Variants in RGS20 observed in about 807,000 individuals in gnomAD.
The protein encoded by RGS20 is regulator of G protein signaling 20, also known as gz-selective GTPase-activating protein.
Under a neutral mutation model 33.6 loss-of-function variants are expected in RGS20, and 30 were observed. The ratio of observed to expected loss-of-function variants is 0.89; its 90% CI spans 0.67 to 1.21. The LOEUF (loss-of-function observed/expected upper bound fraction) is 1.21, where lower values mean the gene tolerates loss of function less well. Among genes scored for constraint, RGS20 ranks in the 50% most tolerant of loss-of-function variants. RGS20 has a pLI of 0.00. For missense variants in RGS20, 472 were observed against 502.4 expected (o/e 0.94, Z 0.58); for synonymous variants, 208 against 197.9 (o/e 1.05, Z -0.43).
intron 2 of RGS20, among the ~76,000 whole-genome samples, chr8:53,885,562 C>G (rs1812518394): frequency 6.6e-6 from 1 of 151,912 alleles, no homozygotes; most frequent in Non-Finnish European, 1.5e-5. Context: ...TGCAGTGACC[C>G]GAGATTGCGC....
In RGS20 at chr8:53,885,496, A is replaced by C. The variant is rs984178141; in HGVS notation, c.510+5894A>C. 1.1e-4 allele frequency among the ~76,000 whole-genome samples: 17 copies of C among 152,150 alleles called. No individual in the cohort carries two copies. The East Asian group carries it at 1.7e-3, about 16-fold the overall frequency. On this transcript the variant is annotated intron_variant, in intron 2 of 5. Coordinates refer to ENST00000297313, the MANE Select transcript of RGS20 (RefSeq NM_170587.4). ...GGGCGTATTAGCGGGCGTCTGTAGT[A>C]CCAGCTACTCGGGAGGCTGAAGCAG... is the stretch of plus-strand genomic sequence containing the variant.
chr8:53,934,370 G>A (rs1477187333), intron 2 of RGS20, among the ~76,000 whole-genome samples: 1 of 152,126 alleles, frequency 6.6e-6, no homozygotes, highest in Non-Finnish European at 1.5e-5. Context: ...CCCATCTCAC[G>A]TGCAGAGACA....
At chr8:53,921,806 G>A (rs1228473818) in intron 2 of RGS20, among the ~76,000 whole-genome samples, 1 of 151,984 alleles carries the variant, frequency 6.6e-6, no homozygotes, top group Non-Finnish European at 1.5e-5. Flanking sequence ...TTGGTTTCAT[G>A]AATTTTCTCT....
rs1161699935 is a variant in RGS20 at position 53,879,279 on chromosome 8, C to T, written c.187C>T (p.Pro63Ser). The stretch of plus-strand genomic sequence containing the variant: ...CCAGTCCTTCCCGCCTGCACAGCTC[C>T]CAGACTCGCCCGCCGCCCCGAAGCT... Residue 63 changes from proline to serine, a missense_variant, in exon 2 of 6, where the codon CCA (proline) becomes TCA (serine). Coordinates refer to ENST00000297313, the MANE Select transcript of RGS20 (RefSeq NM_170587.4). The T allele has an allele frequency of 6.2e-7, 1 of 1,613,896 alleles. No homozygotes were observed. Among genetic ancestry groups the T allele is most frequent in the African/African-American group, 1.3e-5 (1 of 75,052 alleles).
At chr8:53,872,288 A>G (rs1000590778) in intron 1 of RGS20, among the ~76,000 whole-genome samples, 1 of 152,062 alleles carries the variant, frequency 6.6e-6, no homozygotes, top group African/African-American at 2.4e-5. Flanking sequence ...TCACTCCAAT[A>G]CTCAGCAGCC....
chr8:53,954,384 C>T (rs1355296942), intron 5 of RGS20, 74 bp downstream of exon 4: 2 of 1,020,020 alleles, frequency 2.0e-6, no homozygotes, highest in East Asian at 5.0e-5. Flanking sequence ...TTGCCATAGG[C>T]CGGGCACAGT....
At chr8:53,931,516 T>C (rs1813958377) in intron 2 of RGS20, among the ~76,000 whole-genome samples, 2 of 151,976 alleles carry the variant, frequency 1.3e-5, no homozygotes, top group South Asian at 2.1e-4. Flanking sequence ...GATAATGCCA[T>C]TGCAGTCCAG....
At chr8:53,952,377 G>A (rs1265720140) in intron 4 of RGS20, among the ~76,000 whole-genome samples, 2 of 148,546 alleles carry the variant, frequency 1.3e-5, no homozygotes, top group South Asian at 2.2e-4. Flanking sequence ...TTAATGTTGG[G>A]TGGAAAAAGC....
At chr8:53,919,933 T>C (rs2129286047) in intron 2 of RGS20, among the ~76,000 whole-genome samples, 1 of 152,336 alleles carries the variant, frequency 6.6e-6, no homozygotes, top group East Asian at 1.9e-4. Flanking sequence ...TGGAGCACAG[T>C]GGTGTGATCT....
Position 53,874,815 on chromosome 8 carries a change from G to A in RGS20, c.166-4443G>A, listed in dbSNP as rs576745139. Among the ~76,000 whole-genome samples, 12 of 152,310 alleles carry A rather than the reference G, an allele frequency of 7.9e-5. No individual in the cohort carries two copies. In the East Asian group the frequency reaches 2.1e-3, roughly 27 times the overall value. On this transcript the variant is annotated intron_variant, in intron 1 of 5. Coordinates refer to ENST00000297313, the MANE Select transcript of RGS20 (RefSeq NM_170587.4). ...TAAGGACACCAGTCATACTGGAATA[G>A]GGTGTCCTTCATCTTACTAATTACA... is the stretch of plus-strand genomic sequence containing the variant.
chr8:53,901,689 G>A (rs1807367186), intron 2 of RGS20, among the ~76,000 whole-genome samples: 1 of 152,172 alleles, frequency 6.6e-6, no homozygotes, highest in Non-Finnish European at 1.5e-5. Flanking sequence ...GGTACTTAGA[G>A]TAGTCAAAAT....
Position 53,956,264 on chromosome 8 carries a change from A to T in RGS20, c.978+1954A>T, listed in dbSNP as rs148549004. ...GCCAGAAAGGGAGGGTGCTTACCAA[A>T]CTATTAGGGCTGGGGGCAGGCAGCA... On this transcript the variant is annotated intron_variant, in intron 5 of 5. Coordinates refer to ENST00000297313, the MANE Select transcript of RGS20 (RefSeq NM_170587.4). Among the ~76,000 whole-genome samples the T allele has an allele frequency of 2.4e-3, 373 of 152,248 alleles. 3 individuals are homozygous for T. The highest frequency in any genetic ancestry group is 8.5e-3 in the African/African-American group (352 of 41,546).
chr8:53,953,702 C>T (rs977987674), intron 4 of RGS20, among the ~76,000 whole-genome samples: 1 of 152,062 alleles, frequency 6.6e-6, no homozygotes, highest in Non-Finnish European at 1.5e-5. Context: ...TTAGTTCTGT[C>T]GTAGTACAGA....
chr8:53,954,184 C>T lies in RGS20; in HGVS notation c.852C>T (p.Phe284=). The change falls in exon 5 of 6, where the codon TTC becomes TTT. Residue 284 remains phenylalanine (F), a synonymous_variant. Transcript: ENST00000297313. ...TCCGTGAATTCCTCCGAACAGAATT[C>T]AGTGAGGAAAATATGCTCTTCTGGA... 1 of 1,613,890 alleles carries T rather than the reference C, an allele frequency of 6.2e-7. No homozygotes were observed. The highest frequency in any genetic ancestry group is 8.5e-7 in the Non-Finnish European group (1 of 1,179,844).
At chr8:53,881,386 T>C (rs1257584564) in intron 2 of RGS20, among the ~76,000 whole-genome samples, 1 of 151,868 alleles carries the variant, frequency 6.6e-6, no homozygotes, top group Non-Finnish European at 1.5e-5. Context: ...GGTGTCTTGG[T>C]GGGGAACGCG....
intron 1 of RGS20, chr8:53,876,530 C>A (rs1270026997): frequency 1.3e-5 from 2 of 152,268 alleles, no homozygotes; most frequent in Non-Finnish European, 2.9e-5. Context: ...AAAAGGAGGA[C>A]AAGGCTCTCT....
At position 53,939,258 on chromosome 8, in the gene RGS20, CGTA is replaced by C. The variant is rs532607908; in HGVS notation, c.511-316_511-314del. ...ATGCCTGGAGCTGGGAACGGCCCTG[CGTA>C]GCACTGACTGCAGAGTCTTCAGTGC... On this transcript the variant is annotated intron_variant, in intron 2 of 5. Transcript: ENST00000297313. 5.2e-3 allele frequency among the ~76,000 whole-genome samples: 797 copies of C among 152,280 alleles called. 3 individuals are homozygous for C. The highest frequency in any genetic ancestry group is 8.6e-3 in the Non-Finnish European group (585 of 68,020).
intron 2 of RGS20, among the ~76,000 whole-genome samples, chr8:53,925,528 A>G (rs1813766297): frequency 6.6e-6 from 1 of 152,202 alleles, no homozygotes. Flanking sequence ...CTGTAATCCC[A>G]GCATTTTGGG....
At chr8:53,898,986 A>G (rs1160102623) in intron 2 of RGS20, among the ~76,000 whole-genome samples, 2 of 152,234 alleles carry the variant, frequency 1.3e-5, no homozygotes, top group Non-Finnish European at 2.9e-5. Flanking sequence ...AACTATTTTC[A>G]TGGCACATTA....
Sources: gnomAD v4.1 joint callset for allele counts (sites outside exome capture counted in the v4.1 genomes callset) on GRCh38, gnomAD v4.1.1 for gene constraint, MANE v1.5 for transcripts, NCBI Gene and HGNC (gene_info 2026-07-23, HGNC 2026-07-21) for gene names.